NRXN3: variants seen among roughly 807,000 people sequenced by gnomAD.
The protein encoded by NRXN3 is neurexin 3.
In NRXN3, 32 loss-of-function variants were observed where a neutral mutation model predicts 137.6. The ratio of observed to expected loss-of-function variants is 0.23; its 90% CI spans 0.18 to 0.31. NRXN3 has a LOEUF of 0.31. Among genes scored for constraint, NRXN3 ranks in the 10% least tolerant of loss-of-function variants. The probability of loss-of-function intolerance (pLI) is 1.00; values close to 1 mark genes in which losing one functional copy is unlikely to be tolerated. For missense variants in NRXN3, 1,574 were observed against 2,062.5 expected (o/e 0.76, Z 4.59); for synonymous variants, 798 against 784.5 (o/e 1.02, Z -0.29).
At chr14:79,235,590 C>T (rs2073219728) in intron 15 of NRXN3, among the ~76,000 whole-genome samples, 1 of 152,186 alleles carries the variant, frequency 6.6e-6, no homozygotes, top group African/African-American at 2.4e-5. Context: ...CACCTATTCA[C>T]TTGCATTCTC....
At chr14:78,965,390 A>G (rs2099415510) in intron 11 of NRXN3, among the ~76,000 whole-genome samples, 3 of 152,316 alleles carry the variant, frequency 2.0e-5, no homozygotes, top group East Asian at 3.9e-4. Flanking sequence ...TCTGTAGTCC[A>G]AAGTCTGTGA....
intron 10 of NRXN3, among the ~76,000 whole-genome samples, chr14:78,837,320 G>A (rs888672721): frequency 1.3e-5 from 2 of 152,050 alleles, no homozygotes; most frequent in African/African-American, 4.8e-5. Flanking sequence ...TGTGTCTAAG[G>A]CCCTCTTTGT....
intron 16 of NRXN3, among the ~76,000 whole-genome samples, chr14:79,639,138 CAG>C (rs1266435032): frequency 6.6e-6 from 1 of 151,748 alleles, no homozygotes; most frequent in Non-Finnish European, 1.5e-5. Flanking sequence ...AAAGAGATAA[CAG>C]AAAAAAAATC....
chr14:78,593,734 G>A (rs2097136393), intron 4 of NRXN3, among the ~76,000 whole-genome samples: 1 of 152,118 alleles, frequency 6.6e-6, no homozygotes. Context: ...ACCCAGCATA[G>A]AGGACCTGGT....
rs1429475245 is a variant in NRXN3 at position 78,808,937 on chromosome 14, CTCTA to C, written c.2249-1377_2249-1374del. Reference sequence around the variant, plus strand: ...GAGTACTTTGTGACTATATTTTCCCCTCTATCTTTCTTCCTTTAAAAAAAAAATC... The same window carrying C: ...GAGTACTTTGTGACTATATTTTCCCCTCTTTCTTCCTTTAAAAAAAAAATC... On this transcript the variant is annotated intron_variant, in intron 9 of 20. Transcript: ENST00000335750. Among the ~76,000 whole-genome samples the C allele has an allele frequency of 3.9e-5, 6 of 152,044 alleles. No individual in the cohort carries two copies. In the East Asian group the frequency reaches 1.2e-3, roughly 29 times the overall value.
At chr14:79,203,540 G>A (rs1253503398) in intron 15 of NRXN3, among the ~76,000 whole-genome samples, 1 of 152,238 alleles carries the variant, frequency 6.6e-6, no homozygotes, top group African/African-American at 2.4e-5. Context: ...TAGTTACAAT[G>A]TTAATTGCCA....
intron 16 of NRXN3, among the ~76,000 whole-genome samples, chr14:79,484,081 C>T (rs2096633406): frequency 6.6e-6 from 1 of 152,182 alleles, no homozygotes; most frequent in Admixed American, 6.5e-5. Context: ...GCTGTCCCCA[C>T]TGGTCACGAA....
chr14:78,427,333 A>C (rs1482583192), intron 4 of NRXN3, among the ~76,000 whole-genome samples: 1 of 152,196 alleles, frequency 6.6e-6, no homozygotes, highest in East Asian at 1.9e-4. Flanking sequence ...TGTGTTTGTT[A>C]TGAGCCAAAC....
chr14:78,238,139 G>GCCCCCCC (rs111555461), intron 1 of NRXN3, among the ~76,000 whole-genome samples: 1 of 145,496 alleles, frequency 6.9e-6, no homozygotes, highest in African/African-American at 2.6e-5. Context: ...AGTTGTGTGA[G>GCCCCCCC]CCCCCCCCAC....
intron 15 of NRXN3, among the ~76,000 whole-genome samples, chr14:79,332,370 C>G (rs953065180): frequency 6.6e-6 from 1 of 152,166 alleles, no homozygotes; most frequent in Non-Finnish European, 1.5e-5. Context: ...ATTTCCCAGT[C>G]TCATCTCCTA....
At chr14:78,570,649 C>A (rs1029083544) in intron 4 of NRXN3, among the ~76,000 whole-genome samples, 1 of 152,210 alleles carries the variant, frequency 6.6e-6, no homozygotes, top group Admixed American at 6.5e-5. Context: ...AGGAGACAGT[C>A]TTCTCAGTCT....
At chr14:79,508,558 T>C (rs1394761583) in intron 16 of NRXN3, among the ~76,000 whole-genome samples, 2 of 151,166 alleles carry the variant, frequency 1.3e-5, no homozygotes, top group Non-Finnish European at 2.9e-5. Flanking sequence ...CCCGGCTAGT[T>C]TTTTTGTATT....
intron 6 of NRXN3, among the ~76,000 whole-genome samples, chr14:78,697,457 G>A (rs926711706): frequency 4.6e-5 from 7 of 151,900 alleles, no homozygotes; most frequent in Admixed American, 1.3e-4. Context: ...ATTACAGTTG[G>A]CACCCAAGAT....
At chr14:79,116,550 A>G (rs2054478858) in intron 15 of NRXN3, among the ~76,000 whole-genome samples, 1 of 152,192 alleles carries the variant, frequency 6.6e-6, no homozygotes, top group Non-Finnish European at 1.5e-5. Context: ...ACATTTTCAA[A>G]CAGAGTGGAT....
chr14:79,531,565 G>GT (rs2097169809), intron 16 of NRXN3, among the ~76,000 whole-genome samples: 1 of 152,152 alleles, frequency 6.6e-6, no homozygotes, highest in African/African-American at 2.4e-5. Context: ...CGCAGAAAAT[G>GT]TTATGTTCAG....
intron 15 of NRXN3, among the ~76,000 whole-genome samples, chr14:79,417,617 G>A (rs1156241144): frequency 6.6e-6 from 1 of 152,068 alleles, no homozygotes; most frequent in Admixed American, 6.6e-5. Flanking sequence ...CTGGGGCTGG[G>A]CACTACTACA....
chr14:79,171,131 T>G (rs899846383), intron 15 of NRXN3, among the ~76,000 whole-genome samples: 1 of 152,058 alleles, frequency 6.6e-6, no homozygotes, highest in Non-Finnish European at 1.5e-5. Flanking sequence ...CAAAAAAACA[T>G]GCACTGACTC....
intron 19 of NRXN3, among the ~76,000 whole-genome samples, chr14:79,788,173 C>A (rs371728848): frequency 3.3e-5 from 5 of 152,100 alleles, no homozygotes; most frequent in African/African-American, 1.2e-4. Context: ...TAAAACCATC[C>A]GATCTCATGA....
intron 20 of NRXN3, among the ~76,000 whole-genome samples, chr14:79,848,815 A>G (rs1234084765): frequency 6.6e-6 from 1 of 152,104 alleles, no homozygotes. Context: ...TGGCATCTAT[A>G]TGATGATAAT....
Sources: gnomAD v4.1 joint callset for allele counts (sites outside exome capture counted in the v4.1 genomes callset) on GRCh38, gnomAD v4.1.1 for gene constraint, MANE v1.5 for transcripts, NCBI Gene and HGNC (gene_info 2026-07-23, HGNC 2026-07-21) for gene names.